DLGAP2: variants seen among roughly 807,000 people sequenced by gnomAD.
DLGAP2 encodes disks large-associated protein 2.
A neutral mutation model predicts 100.3 loss-of-function variants in DLGAP2; 26 were observed. That is an observed-to-expected ratio of 0.26 (90% CI 0.19 to 0.36). DLGAP2 has a LOEUF of 0.36. Ranked by LOEUF, DLGAP2 falls within the 10% of genes least tolerant of loss-of-function variation. The pLI, the probability that DLGAP2 is intolerant of heterozygous loss-of-function variation, is 1.00. For synonymous variants in DLGAP2, 886 were observed against 630.1 expected (o/e 1.41, Z -6.08); for missense variants, 1,858 against 1,453.2 (o/e 1.28, Z -4.53).
chr8:1,622,172 T>C (rs1320801845), intron 6 of DLGAP2: 1 of 152,276 alleles, frequency 6.6e-6, no homozygotes, highest in East Asian at 1.9e-4. Context: ...TAGCACTGTT[T>C]AGCGTGCTCC....
chr8:1,140,771 G>T (rs939132194), intron 2 of DLGAP2, among the ~76,000 whole-genome samples: 1 of 152,166 alleles, frequency 6.6e-6, no homozygotes, highest in African/African-American at 2.4e-5. Context: ...CAGGAGTTCA[G>T]AGACCAGCCT....
chr8:1,306,006 C>G (rs1000728857), intron 3 of DLGAP2, among the ~76,000 whole-genome samples: 2 of 146,140 alleles, frequency 1.4e-5, no homozygotes, highest in African/African-American at 5.0e-5. Context: ...TGCTGAATTC[C>G]TTTTTCAGAA....
chr8:1,451,475 TG>T (rs1798157973), intron 3 of DLGAP2, among the ~76,000 whole-genome samples: 2 of 150,520 alleles, frequency 1.3e-5, no homozygotes, highest in South Asian at 2.1e-4. Context: ...CCAGGGTCCC[TG>T]TCCCGCCTTG....
In DLGAP2 at chr8:1,199,062, A is replaced by T. The variant is rs538106733; in HGVS notation, c.74-59789A>T. Among the ~76,000 whole-genome samples, 52 of 152,242 alleles carry T rather than the reference A, an allele frequency of 3.4e-4. 1 individual carries two copies. The highest frequency in any genetic ancestry group is 5.1e-4 in the Non-Finnish European group (35 of 68,044). On this transcript the variant is annotated intron_variant, in intron 2 of 14. Transcript: ENST00000637795. ...TAAAGGTGAAGTTCCAGACTTCCAGACTGCTCAGTTTAGAAAGGATCTAAG... is the reference window on the plus strand; with the variant it reads ...TAAAGGTGAAGTTCCAGACTTCCAGTCTGCTCAGTTTAGAAAGGATCTAAG...
At chr8:1,172,680 T>C (rs112619188) in intron 2 of DLGAP2, among the ~76,000 whole-genome samples, 4,558 of 152,298 alleles carry the variant, frequency 0.03, 104 homozygotes, top group Middle Eastern at 0.044. Flanking sequence ...TCACATCGGC[T>C]CCTGGGGCTT....
intron 4 of DLGAP2, among the ~76,000 whole-genome samples, chr8:1,508,590 TTGC>T (rs1246509134): frequency 4.6e-5 from 5 of 107,966 alleles, no homozygotes; most frequent in Non-Finnish European, 1.0e-4. Context: ...CAAACAGCAA[TTGC>T]TGGTGTTTTC....
intron 1 of DLGAP2, among the ~76,000 whole-genome samples, chr8:772,573 T>C (rs975646091): frequency 6.6e-6 from 1 of 152,192 alleles, no homozygotes; most frequent in African/African-American, 2.4e-5. Context: ...TCTGCCTGCC[T>C]CGGCCTCCCA....
At chr8:1,540,775 T>C (rs138814927) in intron 4 of DLGAP2, among the ~76,000 whole-genome samples, 5 of 152,374 alleles carry the variant, frequency 3.3e-5, no homozygotes, top group Non-Finnish European at 5.9e-5. Flanking sequence ...TCTGGAAATA[T>C]GAAATATGGC....
intron 1 of DLGAP2, among the ~76,000 whole-genome samples, chr8:880,871 G>T (rs1374412337): frequency 6.6e-6 from 1 of 152,194 alleles, no homozygotes; most frequent in African/African-American, 2.4e-5. Context: ...AATTAGGGTG[G>T]GTGCCTCCTC....
chr8:1,252,391 GT>G (rs1799065951), intron 2 of DLGAP2, among the ~76,000 whole-genome samples: 2 of 152,052 alleles, frequency 1.3e-5, no homozygotes, highest in Admixed American at 1.3e-4. Flanking sequence ...ACATGGGTGT[GT>G]TGTGTTGTCC....
At chr8:1,381,417 CAAG>C (rs1037440167) in intron 3 of DLGAP2, 7 of 152,334 alleles carry the variant, frequency 4.6e-5, no homozygotes, top group African/African-American at 1.7e-4. Context: ...CTTTTGTACT[CAAG>C]GAGTACGACA....
chr8:1,249,561 C>T (rs370540024), intron 2 of DLGAP2, among the ~76,000 whole-genome samples: 136 of 152,244 alleles, frequency 8.9e-4, no homozygotes, highest in African/African-American at 3.1e-3. Context: ...AGAATAATTC[C>T]TTATACGACT....
At chr8:1,674,191 C>T (rs928405934) in intron 10 of DLGAP2, among the ~76,000 whole-genome samples, 4 of 152,114 alleles carry the variant, frequency 2.6e-5, no homozygotes, top group South Asian at 2.1e-4. Context: ...GTAGCTTGTC[C>T]CACAGGTGCT....
intron 3 of DLGAP2, among the ~76,000 whole-genome samples, chr8:1,308,479 A>G (rs1423070281): frequency 6.6e-6 from 1 of 152,196 alleles, no homozygotes; most frequent in African/African-American, 2.4e-5. Flanking sequence ...AGACATATAA[A>G]AAACAGGAAA....
chr8:751,502 G>T lies in DLGAP2; in HGVS notation c.18+13677G>T, dbSNP rs114378191. 8.2e-3 allele frequency among the ~76,000 whole-genome samples: 1,253 copies of T among 152,336 alleles called. 23 individuals are homozygous for T. Among genetic ancestry groups the T allele is most frequent in the African/African-American group, 0.028 (1,184 of 41,576 alleles). ...TTCCCCGGGGACATTACGGAAGTTG[G>T]ATCGTGAGGTTAGAAAAACTTGTCT... On this transcript the variant is annotated intron_variant, in intron 1 of 14. Transcript: ENST00000637795.
intron 1 of DLGAP2, among the ~76,000 whole-genome samples, chr8:790,352 C>A (rs1460295720): frequency 6.6e-6 from 1 of 152,148 alleles, no homozygotes; most frequent in Non-Finnish European, 1.5e-5. Context: ...ATGACGTAAC[C>A]AAAATGAAAA....
In DLGAP2 at chr8:1,705,160, G is replaced by A. The variant is rs1407574110; in HGVS notation, c.*3754G>A. 6.6e-6 allele frequency: 1 copy of A among 152,242 alleles called. No individual in the cohort carries two copies. The highest frequency in any genetic ancestry group is 6.5e-5 in the Admixed American group (1 of 15,280). 9.4% of individuals were successfully genotyped at this position (152,242 alleles called of 1,614,324 possible). ...TGAGCTCTGTTAGGGACAGTTGTCTGGTTTGTGCCAAACCTTCGAGGGGCG... is the reference window on the plus strand; with the variant it reads ...TGAGCTCTGTTAGGGACAGTTGTCTAGTTTGTGCCAAACCTTCGAGGGGCG... On this transcript the variant is annotated 3_prime_UTR_variant, in exon 15 of 15. Coordinates refer to ENST00000637795, the MANE Select transcript of DLGAP2 (RefSeq NM_001346810.2).
intron 2 of DLGAP2, among the ~76,000 whole-genome samples, chr8:954,874 TGTTA>T (rs1584920869): frequency 6.6e-6 from 1 of 152,144 alleles, no homozygotes; most frequent in African/African-American, 2.4e-5. Flanking sequence ...GATGTATAGG[TGTTA>T]GTTTGCTGTG....
chr8:1,610,145 T>A (rs1050557785), intron 6 of DLGAP2, among the ~76,000 whole-genome samples: 5 of 151,596 alleles, frequency 3.3e-5, no homozygotes, highest in African/African-American at 9.7e-5. Context: ...GAAGTAAAGC[T>A]CTCCTCAGCA....
Sources: allele counts gnomAD v4.1 joint callset (sites outside exome capture counted in the v4.1 genomes callset), GRCh38; gene constraint gnomAD v4.1.1; transcripts MANE v1.5; gene names NCBI Gene and HGNC (gene_info 2026-07-23, HGNC 2026-07-21).